The following SNX24 variants were observed in gnomAD, a reference collection of about 807,000 sequenced individuals.
SNX24 encodes sorting nexin-24.
A neutral mutation model predicts 28.7 loss-of-function variants in SNX24; 22 were observed. That is an observed-to-expected ratio of 0.77 (90% confidence interval 0.55 to 1.10). The LOEUF is 1.10. Ranked by LOEUF, SNX24 falls within the 50% of genes least tolerant of loss-of-function variation. The pLI is 0.00. For synonymous variants in SNX24, 69 were observed against 71.5 expected (o/e 0.96, Z 0.18); for missense variants, 221 against 201.1 (o/e 1.10, Z -0.60).
chr5:122,940,735 C>A (rs1258007567), intron 2 of SNX24, among the ~76,000 whole-genome samples: 1 of 151,992 alleles, frequency 6.6e-6, no homozygotes, highest in East Asian at 1.9e-4. Context: ...CCATGCTCAG[C>A]TATTTTTTTG....
chr5:122,968,518 C>T (rs1339419876), intron 3 of SNX24, among the ~76,000 whole-genome samples: 1 of 152,152 alleles, frequency 6.6e-6, no homozygotes, highest in East Asian at 1.9e-4. Flanking sequence ...CTGACCAAAT[C>T]TCATCAGGAA....
intron 5 of SNX24, among the ~76,000 whole-genome samples, chr5:123,026,919 G>C (rs1025134831): frequency 6.6e-6 from 1 of 152,186 alleles, no homozygotes; most frequent in African/African-American, 2.4e-5. Context: ...AGTAGGCTGG[G>C]TGCAGTGGCT....
chr5:122,995,818 C>T (rs569086173), intron 3 of SNX24, among the ~76,000 whole-genome samples: 1 of 152,254 alleles, frequency 6.6e-6, no homozygotes, highest in Non-Finnish European at 1.5e-5. Context: ...AGAACTTCAC[C>T]ACCAGAGTCA....
intron 1 of SNX24, among the ~76,000 whole-genome samples, chr5:122,870,434 A>T (rs189525501): frequency 6.6e-6 from 1 of 152,196 alleles, no homozygotes; most frequent in Non-Finnish European, 1.5e-5. Flanking sequence ...TGGGCCTGAG[A>T]TGTCAGCTTA....
downstream of SNX24, among the ~76,000 whole-genome samples, chr5:123,013,065 CTT>C (rs1336179195): frequency 6.6e-6 from 1 of 152,162 alleles, no homozygotes; most frequent in African/African-American, 2.4e-5. Context: ...CTGTTCAACT[CTT>C]GGGGGTGTTT....
intron 3 of SNX24, among the ~76,000 whole-genome samples, chr5:122,955,275 A>G (rs1409477285): frequency 6.6e-6 from 1 of 151,888 alleles, no homozygotes; most frequent in Non-Finnish European, 1.5e-5. Context: ...GTCTTCATTG[A>G]GTCTCTTTTG....
intron 1 of SNX24, among the ~76,000 whole-genome samples, chr5:122,861,903 C>G (rs553854518): frequency 2.1e-4 from 32 of 152,250 alleles, no homozygotes; most frequent in South Asian, 8.3e-4. Context: ...TTCTCTATTT[C>G]TTGCTAATGG....
chr5:122,925,890 A>G (rs774535248), intron 1 of SNX24, among the ~76,000 whole-genome samples: 2 of 152,182 alleles, frequency 1.3e-5, no homozygotes, highest in Non-Finnish European at 2.9e-5. Flanking sequence ...GTTAACAGTG[A>G]ACAAAACCGA....
intron 1 of SNX24, among the ~76,000 whole-genome samples, chr5:122,864,170 A>G (rs1474726460): frequency 3.5e-5 from 4 of 115,426 alleles, no homozygotes; most frequent in African/African-American, 1.4e-4. Context: ...GAAGCTCAGG[A>G]AGCTACTATA....
chr5:123,010,841 A>G (rs13163098), downstream of SNX24, among the ~76,000 whole-genome samples: 35,004 of 151,176 alleles, frequency 0.23, 5,140 homozygotes, highest in Non-Finnish European at 0.34. Flanking sequence ...CGCAATACCC[A>G]TTGCTTTCTA....
intron 1 of SNX24, among the ~76,000 whole-genome samples, chr5:122,882,746 T>A (rs1414447783): frequency 1.3e-5 from 2 of 152,266 alleles, no homozygotes; most frequent in East Asian, 3.8e-4. Context: ...TTCCTTTTTT[T>A]AATCTTACAA....
intron 3 of SNX24, among the ~76,000 whole-genome samples, chr5:122,993,372 C>T (rs908813710): frequency 2.7e-5 from 4 of 149,060 alleles, no homozygotes; most frequent in African/African-American, 9.9e-5. Context: ...GATCTCGGCT[C>T]ACTGCAAGCT....
At chr5:122,950,324 G>A (rs967363490) in intron 3 of SNX24, among the ~76,000 whole-genome samples, 1 of 152,218 alleles carries the variant, frequency 6.6e-6, no homozygotes, top group African/African-American at 2.4e-5. Context: ...GTATGTGTGT[G>A]TGTTTGTATA....
chr5:122,953,304 C>T (rs544559485), intron 3 of SNX24, among the ~76,000 whole-genome samples: 1 of 152,198 alleles, frequency 6.6e-6, no homozygotes, highest in East Asian at 1.9e-4. Flanking sequence ...AGGGTTTCGC[C>T]ATGTTGGCCA....
intron 3 of SNX24, among the ~76,000 whole-genome samples, chr5:122,971,524 A>G (rs754990350): frequency 6.6e-6 from 1 of 152,350 alleles, no homozygotes; most frequent in Admixed American, 6.5e-5. Flanking sequence ...AATAAAGACA[A>G]TAATGAGGTC....
In SNX24 at chr5:123,017,054, T is replaced by C. The variant is rs371517284; in HGVS notation, n.384-12184T>C. 1.4e-4 allele frequency among the ~76,000 whole-genome samples: 22 copies of C among 152,220 alleles called. 1 individual carries two copies. Among genetic ancestry groups the C allele is most frequent in the African/African-American group, 5.1e-4 (21 of 41,548 alleles). ...TTCCAACTTTTTCCCCAGTTTAATC[T>C]GGTCAGGAACAAAGCAGAGCACCGA... On this transcript the variant is annotated intron_variant and non_coding_transcript_variant, in intron 5 of 5. Coordinates refer to the SNX24 transcript ENST00000502387.
chr5:123,015,621 C>A (rs1449026353), intron 5 of SNX24, among the ~76,000 whole-genome samples: 1 of 152,180 alleles, frequency 6.6e-6, no homozygotes, highest in Non-Finnish European at 1.5e-5. Flanking sequence ...CCCAGACTTG[C>A]TGAATCAGGC....
intron 5 of SNX24, among the ~76,000 whole-genome samples, chr5:123,024,915 C>T (rs1762829501): frequency 2.0e-5 from 3 of 152,254 alleles, no homozygotes; most frequent in Middle Eastern, 3.4e-3. Context: ...CTTCAGGCAC[C>T]TGTAAGGCAG....
intron 5 of SNX24, among the ~76,000 whole-genome samples, chr5:123,014,782 C>A (rs1762653014): frequency 1.3e-5 from 2 of 152,222 alleles, no homozygotes; most frequent in African/African-American, 4.8e-5. Context: ...TCTCCGAGTT[C>A]TTTCTACATT....
Sources: gnomAD v4.1 joint callset for allele counts (sites outside exome capture counted in the v4.1 genomes callset) on GRCh38, gnomAD v4.1.1 for gene constraint, MANE v1.5 for transcripts, NCBI Gene and HGNC (gene_info 2026-07-23, HGNC 2026-07-21) for gene names.